Variants in C16orf46 observed in about 807,000 individuals in gnomAD.
C16orf46 encodes chromosome 16 open reading frame 46.
In C16orf46, 7 loss-of-function variants were observed where a neutral mutation model predicts 5.5. The ratio of observed to expected loss-of-function variants is 1.28; its 90% confidence interval spans 0.73 to 2.40. The LOEUF is 2.40. C16orf46 is among the 30% of genes most tolerant of loss of function. The pLI, the probability that C16orf46 is intolerant of heterozygous loss-of-function variation, is 0.00. For synonymous variants in C16orf46, 200 were observed against 184.1 expected, an observed-to-expected ratio of 1.09 and a Z score of -0.70; for missense variants, 614 against 476.0, an observed-to-expected ratio of 1.29 and a Z score of -2.70.
At chr16:81,070,125 A>G (rs1217222543) in intron 1 of C16orf46, among the ~76,000 whole-genome samples, 3 of 147,064 alleles carry the variant, frequency 2.0e-5, no homozygotes, top group Non-Finnish European at 4.5e-5. Flanking sequence ...ACTCCATCTC[A>G]AAAAAAAAAA....
chr16:81,063,630 A>T, intron 3 of C16orf46, 116 bp downstream of exon 3: 1 of 841,168 alleles, frequency 1.2e-6, no homozygotes. Context: ...CAGGGTTTCT[A>T]CATGTCATTG....
At chr16:81,075,780 C>T (rs1447209991) in intron 1 of C16orf46, among the ~76,000 whole-genome samples, 1 of 152,152 alleles carries the variant, frequency 6.6e-6, no homozygotes, top group East Asian at 1.9e-4. Context: ...AATATCTTAC[C>T]GTAGCTTCCT....
chr16:81,057,491 G>C (rs1232040202), downstream of C16orf46, among the ~76,000 whole-genome samples: 1 of 146,068 alleles, frequency 6.8e-6, no homozygotes, highest in Non-Finnish European at 1.5e-5. Flanking sequence ...AGAGTTTGTA[G>C]TGAGTTGAGA....
At chr16:81,063,158 G>A (rs1465997345) in intron 3 of C16orf46, among the ~76,000 whole-genome samples, 2 of 149,920 alleles carry the variant, frequency 1.3e-5, no homozygotes, top group Non-Finnish European at 2.9e-5. Context: ...CAGGAGAATC[G>A]CTTGAACTCA....
chr16:81,054,064 C>A (rs747081649), exon 4 of C16orf46: 1 of 1,611,414 alleles, frequency 6.2e-7, no homozygotes, highest in Non-Finnish European at 8.5e-7. Flanking sequence ...TGAAACTGAT[C>A]CCTCTCCTAC....
chr16:81,057,375 C>G (rs1465003892), downstream of C16orf46, among the ~76,000 whole-genome samples: 2 of 151,652 alleles, frequency 1.3e-5, no homozygotes, highest in African/African-American at 2.4e-5. Flanking sequence ...ATGGTGAAAC[C>G]CTGTCTCTAC....
At position 81,062,007 on chromosome 16, in the gene C16orf46, C is replaced by G. The variant is rs1002980905; in HGVS notation, c.342G>C (p.Gln114His). 6.2e-7 allele frequency: 1 copy of G among 1,614,042 alleles called. No individual in the cohort carries two copies. Among genetic ancestry groups the G allele is most frequent in the Non-Finnish European group, 8.5e-7 (1 of 1,180,024 alleles). ...GGCCCCCCTCAGTAGGAGGCTTGGT[C>G]TGGAGGCTCCAGTGGGAGAGGTTAA... Reference protein sequence around the residue: ...VCVNLSHWSLQTKPPTEGGPE... With the variant: ...VCVNLSHWSLHTKPPTEGGPE... Residue 114 changes from glutamine (Q) to histidine (H), a missense_variant, in exon 4 of 4, where the codon CAG (glutamine) becomes CAC (histidine). Coordinates refer to ENST00000299578, the MANE Select transcript of C16orf46 (RefSeq NM_152337.3).
Position 81,061,420 on chromosome 16 carries a change from G to A in C16orf46, c.929C>T (p.Ala310Val), listed in dbSNP as rs369373244. 62 of 1,614,052 alleles carry A rather than the reference G, an allele frequency of 3.8e-5. No individual in the cohort carries two copies. The highest frequency in any genetic ancestry group is 5.0e-5 in the Non-Finnish European group (59 of 1,180,054). Reference sequence around the variant, plus strand: ...AACGTTGCTGGGGTCTGGAGGGCACGCCAGGTTTTTCTCAGACAGGAGGGA... The same window carrying A: ...AACGTTGCTGGGGTCTGGAGGGCACACCAGGTTTTTCTCAGACAGGAGGGA... Reference protein sequence around the residue: ...HWSLLSEKNLACPPDPSNVRY... With the variant: ...HWSLLSEKNLVCPPDPSNVRY... The change falls in exon 4 of 4, where the codon GCG (alanine) becomes GTG (valine). Residue 310 changes from alanine (A) to valine (V), a missense_variant. Physicochemically the swap from Ala to Val is moderately conservative, Grantham distance 64 (BLOSUM62 0). Coordinates refer to ENST00000299578, the MANE Select transcript of C16orf46 (RefSeq NM_152337.3).
intron 3 of C16orf46, among the ~76,000 whole-genome samples, chr16:81,054,718 G>A (rs944218814): frequency 6.6e-6 from 1 of 151,920 alleles, no homozygotes; most frequent in Non-Finnish European, 1.5e-5. Context: ...GCGTGATCTC[G>A]GCTCACTGCA....
At chr16:81,057,181 T>G (rs954877056), downstream of C16orf46, among the ~76,000 whole-genome samples, 1 of 151,994 alleles carries the variant, frequency 6.6e-6, no homozygotes, top group African/African-American at 2.4e-5. Flanking sequence ...GGTGATGGGG[T>G]GGCTTTGAGC....
chr16:81,064,573 C>A lies in C16orf46; in HGVS notation c.-38-580G>T, dbSNP rs141024216. ...GGACAGCCTGGCCAACATGGCGAAA[C>A]CCCATCTCTACCAAAAATACAAAAT... is the stretch of plus-strand genomic sequence containing the variant. On this transcript the variant is annotated intron_variant, in intron 2 of 3. Coordinates refer to ENST00000299578, the MANE Select transcript of C16orf46 (RefSeq NM_152337.3). 3.0e-3 allele frequency among the ~76,000 whole-genome samples: 463 copies of A among 151,878 alleles called. 1 individual carries two copies. Among genetic ancestry groups the A allele is most frequent in the African/African-American group, 0.011 (447 of 41,432 alleles).
intron 2 of C16orf46, among the ~76,000 whole-genome samples, chr16:81,065,290 G>A (rs148568279): frequency 5.3e-5 from 8 of 152,156 alleles, no homozygotes; most frequent in African/African-American, 1.9e-4. Context: ...TGACCAACAT[G>A]GTGAAACCCT....
intron 1 of C16orf46, among the ~76,000 whole-genome samples, chr16:81,068,837 G>C (rs867784927): frequency 5.3e-5 from 8 of 151,960 alleles, no homozygotes; most frequent in African/African-American, 1.9e-4. Context: ...AAGTAGCTGG[G>C]ATTCCAGGCG....
At chr16:81,069,036 G>A (rs181647317) in intron 1 of C16orf46, among the ~76,000 whole-genome samples, 13 of 152,152 alleles carry the variant, frequency 8.5e-5, no homozygotes, top group Admixed American at 6.6e-4. Flanking sequence ...AGGTAATAAC[G>A]TGGCTACTTT....
chr16:81,054,285 A>C (rs1971234038), intron 3 of C16orf46, among the ~76,000 whole-genome samples: 1 of 151,940 alleles, frequency 6.6e-6, no homozygotes, highest in African/African-American at 2.4e-5. Flanking sequence ...CAACAACAAA[A>C]AAAAACAACA....
intron 2 of C16orf46, 121 bp downstream of exon 2, chr16:81,066,072 C>A (rs1971647073): frequency 6.6e-6 from 1 of 151,726 alleles, no homozygotes; most frequent in South Asian, 2.1e-4. Flanking sequence ...TTTATAAGCA[C>A]TTTACTTATG....
At chr16:81,076,392 A>G (rs1972040562) in intron 1 of C16orf46, 1 of 152,168 alleles carries the variant, frequency 6.6e-6, no homozygotes. Context: ...CTTGTTAATT[A>G]TATGTGCCTT....
downstream of C16orf46, among the ~76,000 whole-genome samples, chr16:81,058,741 A>G (rs1432976508): frequency 2.0e-5 from 3 of 152,250 alleles, no homozygotes; most frequent in African/African-American, 7.2e-5. Context: ...TTGGAGTTCA[A>G]CATACATTAC....
chr16:81,059,320 C>CAAAAA (rs71143671), downstream of C16orf46, among the ~76,000 whole-genome samples: 3 of 46,580 alleles, frequency 6.4e-5, no homozygotes, highest in Admixed American at 4.9e-4. Context: ...GACTCTGTCT[C>CAAAAA]AAAAAAAAAA....
Sources: gnomAD v4.1 joint callset for allele counts (sites outside exome capture counted in the v4.1 genomes callset) on GRCh38, gnomAD v4.1.1 for gene constraint, MANE v1.5 for transcripts, NCBI Gene and HGNC (gene_info 2026-07-23, HGNC 2026-07-21) for gene names.